PIK3R4: variants seen among roughly 807,000 people sequenced by gnomAD.
PIK3R4 encodes the protein phosphoinositide-3-kinase regulatory subunit 4.
PIK3R4 carries 46 observed loss-of-function variants against 136.5 expected under a neutral mutation model. That is an observed-to-expected ratio of 0.34 (90% CI 0.27 to 0.43). The LOEUF is 0.43. PIK3R4 is among the 20% of genes least tolerant of loss of function. The probability of loss-of-function intolerance (pLI) is 1.00; values close to 1 mark genes in which losing one functional copy is unlikely to be tolerated. For synonymous variants in PIK3R4, 557 were observed against 566.7 expected (o/e 0.98, Z 0.24); for missense variants, 1,331 against 1,649.5 (o/e 0.81, Z 3.35).
At chr3:130,734,315 C>G (rs1021385401) in intron 3 of PIK3R4, among the ~76,000 whole-genome samples, 185 bp from the exon 4 acceptor site, 2 of 152,120 alleles carry the variant, frequency 1.3e-5, no homozygotes, top group African/African-American at 2.4e-5. Context: ...ACAGATGGCC[C>G]TGACACATAA....
chr3:130,684,418 G>A (rs1315764818), intron 15 of PIK3R4, 37 bp from the exon 16 acceptor site: 1 of 1,579,776 alleles, frequency 6.3e-7, no homozygotes, highest in Non-Finnish European at 8.7e-7. Context: ...ACCATCTAAT[G>A]ATCAAAGTGC....
intron 2 of PIK3R4, 94 bp from the exon 3 acceptor site, chr3:130,736,096 G>A: frequency 1.1e-6 from 1 of 875,476 alleles, no homozygotes; most frequent in Non-Finnish European, 1.7e-6. Flanking sequence ...AACCCAAAAT[G>A]CAAAACCCCA....
At chr3:130,705,504 G>T in intron 12 of PIK3R4, 57 bp downstream of exon 12, 1 of 1,112,984 alleles carries the variant, frequency 9.0e-7, no homozygotes, top group African/African-American at 1.6e-5. Flanking sequence ...TCCTCTATTA[G>T]ATTCTAGCCT....
At chr3:130,717,653 C>T (rs1230331653) in intron 8 of PIK3R4, among the ~76,000 whole-genome samples, 1 of 152,098 alleles carries the variant, frequency 6.6e-6, no homozygotes, top group African/African-American at 2.4e-5. Context: ...TTATCCAAGG[C>T]CATTTTCTCC....
rs1420690384 is a variant in PIK3R4, at chr3:130,744,854, T to C, written c.365A>G (p.Asn122Ser). ...GAAAGCAATCCAGCGCTTCTCAATG[T>C]TATTCAAGAATGGACGGGTACTGAT... ...DRISTRPFLN[N>S]IEKRWIAFQI... The change falls in exon 2 of 20, where the codon AAC becomes AGC. Residue 122 changes from asparagine (N) to serine (S), a missense_variant. Transcript: ENST00000356763. 1 of 1,614,222 alleles carries C rather than the reference T, an allele frequency of 6.2e-7. No homozygotes were observed. Among genetic ancestry groups the C allele is most frequent in the Non-Finnish European group, 8.5e-7 (1 of 1,180,038 alleles).
At position 130,686,213 on chromosome 3, in the gene PIK3R4, A is replaced by G. The variant is rs780968450; in HGVS notation, c.3473T>C (p.Ile1158Thr). ...AVDIHQCWLC[I>T]GTSSGTMACW... ...CAATGACTTGAAAGTTAGCTTACCA[A>G]TGCAGAGCCAGCATTGGTGGATGTC... The change falls in exon 15 of 20, where the codon ATT becomes ACT. Residue 1158 changes from isoleucine to threonine, a missense_variant and splice_region_variant. Coordinates refer to ENST00000356763, the MANE Select transcript of PIK3R4 (RefSeq NM_014602.3). 3.1e-6 allele frequency: 5 copies of G among 1,605,066 alleles called. No individual in the cohort carries two copies. The highest frequency in any genetic ancestry group is 4.3e-6 in the Non-Finnish European group (5 of 1,171,888).
At chr3:130,697,081 T>TG (rs2107604510) in intron 13 of PIK3R4, among the ~76,000 whole-genome samples, 1 of 141,954 alleles carries the variant, frequency 7.0e-6, no homozygotes, top group Admixed American at 7.1e-5. Flanking sequence ...TTTTTTTTTT[T>TG]TTTTTTTGAG....
chr3:130,682,524 C>T (rs1007420388), intron 16 of PIK3R4, among the ~76,000 whole-genome samples: 3 of 152,016 alleles, frequency 2.0e-5, no homozygotes, highest in Non-Finnish European at 4.4e-5. Flanking sequence ...TATGGGAAAC[C>T]GCAGCAGGAG....
Position 130,686,378 on chromosome 3 carries a change from T to C in PIK3R4, c.3308A>G (p.His1103Arg). 2 of 1,613,208 alleles carry C rather than the reference T, an allele frequency of 1.2e-6. No homozygotes were observed. Among genetic ancestry groups the C allele is most frequent in the Non-Finnish European group, 1.7e-6 (2 of 1,179,224 alleles). The change falls in exon 15 of 20, where the codon CAC becomes CGC. Residue 1103 changes from histidine to arginine, a missense_variant. Transcript: ENST00000356763. ...AACAGACTGTGCTCCAGAGTTGAAG[T>C]GATGCATATCCACAACACAACCGTC... Reference protein sequence around the residue: ...KEDGCVVDMHHFNSGAQSVLA... With the variant: ...KEDGCVVDMHRFNSGAQSVLA...
chr3:130,704,771 G>T (rs1004754540), intron 12 of PIK3R4, among the ~76,000 whole-genome samples: 1 of 152,018 alleles, frequency 6.6e-6, no homozygotes, highest in African/African-American at 2.4e-5. Flanking sequence ...TTTTAATGTT[G>T]ATCATCGTTA....
intron 18 of PIK3R4, 65 bp from the exon 19 acceptor site, chr3:130,680,786 G>T: frequency 9.7e-7 from 1 of 1,026,684 alleles, no homozygotes; most frequent in Non-Finnish European, 1.5e-6. Context: ...ATAATCATTG[G>T]CTTATCTTCA....
intron 2 of PIK3R4, among the ~76,000 whole-genome samples, chr3:130,739,029 C>T (rs72998250): frequency 0.26 from 39,798 of 152,034 alleles, 5,653 homozygotes; most frequent in South Asian, 0.36. Flanking sequence ...AGCGATAAAC[C>T]GTGGTAATGG....
Position 130,746,614 on chromosome 3 carries a change from T to G in PIK3R4, c.-343A>C, listed in dbSNP as rs2066855716. The G allele has an allele frequency of 6.6e-6, 1 of 152,252 alleles. No individual in the cohort carries two copies. 9.4% of individuals were successfully genotyped at this position (152,252 alleles called of 1,614,324 possible). ...CCGGGATTTGACCCCTCCAGCCCCCTAACCTGCCCTGGGGGACATGCGTTC... is the reference window on the plus strand; with the variant it reads ...CCGGGATTTGACCCCTCCAGCCCCCGAACCTGCCCTGGGGGACATGCGTTC... On this transcript the variant is annotated 5_prime_UTR_variant, in exon 1 of 20. It removes the in-frame stop codon of an upstream open reading frame in the 5' UTR. Transcript: ENST00000356763.
rs752874889 is a variant in PIK3R4 at position 130,745,084 on chromosome 3, G to A, written c.135C>T (p.His45=). 1.9e-6 allele frequency: 3 copies of A among 1,613,870 alleles called. No individual in the cohort carries two copies. In the South Asian group the frequency reaches 3.3e-5, roughly 18 times the overall value. The change falls in exon 2 of 20, where the codon CAC becomes CAT. Residue 45 remains histidine (H), a synonymous_variant. Coordinates refer to ENST00000356763, the MANE Select transcript of PIK3R4 (RefSeq NM_014602.3). The part of the protein sequence containing the change: ...TRFFKVARAK[H]REGLVVVKVF... ...CCTTCACAACGACCAGGCCTTCTCG[G>A]TGCTTGGCTCGAGCAACTTTAAAAA...
At chr3:130,715,176 T>TGCAG (rs1344259663) in intron 9 of PIK3R4, among the ~76,000 whole-genome samples, 1 of 144,614 alleles carries the variant, frequency 6.9e-6, no homozygotes, top group East Asian at 2.0e-4. Context: ...CAGGCTGGAG[T>TGCAG]GCAGCGGTGC....
chr3:130,728,885 G>T (rs2066747908), intron 5 of PIK3R4, among the ~76,000 whole-genome samples: 1 of 151,876 alleles, frequency 6.6e-6, no homozygotes. Context: ...ATAAAGTGAA[G>T]AATATCCTAA....
chr3:130,724,338 G>A (rs2066719888), intron 6 of PIK3R4, among the ~76,000 whole-genome samples: 1 of 152,140 alleles, frequency 6.6e-6, no homozygotes, highest in African/African-American at 2.4e-5. Flanking sequence ...AGAAGAGGGA[G>A]TAAAGTAGAA....
In PIK3R4 at chr3:130,745,309, G is replaced by A. The variant is rs551531820; in HGVS notation, c.-46-45C>T. The A allele has an allele frequency of 3.8e-6, 5 of 1,310,424 alleles. No individual in the cohort carries two copies. The Admixed American group carries it at 9.5e-5, about 25-fold the overall frequency. 81.2% of individuals were successfully genotyped at this position (1,310,424 alleles called of 1,614,324 possible). ...ATGAAGAAAAAAGACAAGAAACAAA[G>A]AAGCTGTGAAACACCATTATTCCAT... On this transcript the variant is annotated intron_variant, in intron 1 of 19. Coordinates refer to ENST00000356763, the MANE Select transcript of PIK3R4 (RefSeq NM_014602.3).
intron 2 of PIK3R4, among the ~76,000 whole-genome samples, chr3:130,737,318 G>A (rs2066791672): frequency 1.3e-5 from 2 of 152,042 alleles, no homozygotes; most frequent in Non-Finnish European, 2.9e-5. Context: ...TATATTTTAT[G>A]TACAGATGCT....
Sources: gnomAD v4.1 joint callset for allele counts (sites outside exome capture counted in the v4.1 genomes callset) on GRCh38, gnomAD v4.1.1 for gene constraint, MANE v1.5 for transcripts, NCBI Gene and HGNC (gene_info 2026-07-23, HGNC 2026-07-21) for gene names.